The following GRIN2A variants were observed in gnomAD, a reference collection of about 807,000 sequenced individuals.
GRIN2A encodes glutamate receptor ionotropic, NMDA 2A.
A neutral mutation model predicts 113.4 loss-of-function variants in GRIN2A; 22 were observed. That is an observed-to-expected ratio of 0.19 (90% CI 0.14 to 0.28). The LOEUF is 0.28. Among genes scored for constraint, GRIN2A ranks in the 10% least tolerant of loss-of-function variants. The pLI is 1.00. For missense variants in GRIN2A, 1,502 were observed against 1,887.0 expected, an observed-to-expected ratio of 0.80 and a Z score of 3.78; for synonymous variants, 827 against 738.4, an observed-to-expected ratio of 1.12 and a Z score of -1.94.
intron 2 of GRIN2A, among the ~76,000 whole-genome samples, chr16:9,953,798 T>C (rs2045238503): frequency 6.6e-6 from 1 of 152,230 alleles, no homozygotes; most frequent in Non-Finnish European, 1.5e-5. Context: ...TGAAAGGTAC[T>C]GCTGTGTGGT....
intron 2 of GRIN2A, among the ~76,000 whole-genome samples, chr16:10,071,581 G>T (rs2047751129): frequency 6.6e-6 from 1 of 152,196 alleles, no homozygotes; most frequent in Non-Finnish European, 1.5e-5. Context: ...TGTGCCTATA[G>T]AAAGGGATTG....
At chr16:10,054,788 C>T (rs1307376761) in intron 2 of GRIN2A, among the ~76,000 whole-genome samples, 1 of 151,814 alleles carries the variant, frequency 6.6e-6, no homozygotes, top group Non-Finnish European at 1.5e-5. Flanking sequence ...TGGCTTACGC[C>T]TGTAAGCCTA....
At chr16:9,847,473 G>A (rs1456212729) in intron 5 of GRIN2A, among the ~76,000 whole-genome samples, 1 of 151,996 alleles carries the variant, frequency 6.6e-6, no homozygotes, top group Non-Finnish European at 1.5e-5. Flanking sequence ...GTTGAGGTGA[G>A]AAGAACACTT....
At chr16:10,015,252 C>CAAAAAAAAAAAAAAAAAAAAAAAAAAGAA (rs200124835) in intron 2 of GRIN2A, among the ~76,000 whole-genome samples, 1 of 19,316 alleles carries the variant, frequency 5.2e-5, no homozygotes, top group African/African-American at 1.5e-4. Context: ...GACTTCATCT[C>CAAAAAAAAAAAAAAAAAAAAAAAAAAGAA]AAAAAAAAAA....
intron 10 of GRIN2A, among the ~76,000 whole-genome samples, chr16:9,805,291 T>C (rs1360609653): frequency 6.6e-6 from 1 of 152,156 alleles, no homozygotes; most frequent in African/African-American, 2.4e-5. Flanking sequence ...TCTCTGGGGG[T>C]CTCAGCACAT....
chr16:9,990,757 C>T (rs776149305), intron 2 of GRIN2A, among the ~76,000 whole-genome samples: 2 of 151,874 alleles, frequency 1.3e-5, no homozygotes, highest in African/African-American at 2.4e-5. Context: ...TTGGATAATA[C>T]TATTTTCTTA....
At chr16:9,957,390 G>A (rs2045332624) in intron 2 of GRIN2A, among the ~76,000 whole-genome samples, 1 of 152,182 alleles carries the variant, frequency 6.6e-6, no homozygotes, top group Non-Finnish European at 1.5e-5. Flanking sequence ...ACCACCCAAG[G>A]AAGAACAAGC....
chr16:10,122,762 C>G (rs193225128), intron 2 of GRIN2A, among the ~76,000 whole-genome samples: 2 of 152,106 alleles, frequency 1.3e-5, no homozygotes, highest in African/African-American at 4.8e-5. Context: ...GGGAAATTGA[C>G]GCACGATCAG....
intron 4 of GRIN2A, among the ~76,000 whole-genome samples, chr16:9,850,936 G>C (rs2042872577): frequency 6.6e-6 from 1 of 152,092 alleles, no homozygotes; most frequent in Admixed American, 6.5e-5. Flanking sequence ...TTCTCCTCCT[G>C]CTCCCACACG....
chr16:9,964,829 A>G (rs564627142), intron 2 of GRIN2A, among the ~76,000 whole-genome samples: 1 of 152,330 alleles, frequency 6.6e-6, no homozygotes, highest in Admixed American at 6.5e-5. Context: ...TCACAACTGC[A>G]AAGTCCCCTT....
chr16:9,966,291 C>T (rs529141444), intron 2 of GRIN2A, among the ~76,000 whole-genome samples: 1 of 152,198 alleles, frequency 6.6e-6, no homozygotes, highest in African/African-American at 2.4e-5. Flanking sequence ...TCTGCAAGGC[C>T]CCATTGTGTG....
intron 2 of GRIN2A, among the ~76,000 whole-genome samples, chr16:10,113,368 G>A (rs1018452255): frequency 7.2e-5 from 11 of 152,282 alleles, no homozygotes; most frequent in Non-Finnish European, 1.0e-4. Context: ...CCCCTTCCCC[G>A]GTCCTGGGCT....
chr16:10,178,128 G>T (rs903103407), intron 2 of GRIN2A, among the ~76,000 whole-genome samples: 1 of 152,148 alleles, frequency 6.6e-6, no homozygotes, highest in Non-Finnish European at 1.5e-5. Context: ...GAAGGGATCC[G>T]TGGTAATATT....
intron 2 of GRIN2A, among the ~76,000 whole-genome samples, chr16:10,041,685 G>A (rs1285575118): frequency 1.3e-5 from 2 of 152,174 alleles, no homozygotes; most frequent in African/African-American, 4.8e-5. Context: ...TATGTTCAGT[G>A]TCTGGTACAG....
At chr16:10,057,507 T>C (rs2047476842) in intron 2 of GRIN2A, among the ~76,000 whole-genome samples, 1 of 152,092 alleles carries the variant, frequency 6.6e-6, no homozygotes, top group African/African-American at 2.4e-5. Context: ...TTTTGTTGAA[T>C]TCTATGAAGG....
At position 9,761,118 on chromosome 16, in the gene GRIN2A, C is replaced by T. The variant is rs1900563622; in HGVS notation, c.*2031G>A. The T allele has an allele frequency of 4.3e-6, 1 of 232,814 alleles. No homozygotes were observed. Among genetic ancestry groups the T allele is most frequent in the South Asian group, 1.8e-4 (1 of 5,520 alleles). 14.4% of individuals were successfully genotyped at this position (232,814 alleles called of 1,614,324 possible). ...GAAGCTCCTCTCACCCACTGCCTCC[C>T]TCTGTCTCCCTATGATTGACCCTGA... is the stretch of plus-strand genomic sequence containing the variant. On this transcript the variant is annotated 3_prime_UTR_variant, in exon 13 of 13. Transcript: ENST00000330684.
intron 3 of GRIN2A, among the ~76,000 whole-genome samples, chr16:9,920,470 A>G (rs904924033): frequency 6.6e-6 from 1 of 152,234 alleles, no homozygotes; most frequent in Admixed American, 6.5e-5. Context: ...GTAAATAGCT[A>G]AGAAGTATGA....
At chr16:9,885,544 A>G (rs1251136856) in intron 4 of GRIN2A, among the ~76,000 whole-genome samples, 2 of 152,180 alleles carry the variant, frequency 1.3e-5, no homozygotes, top group Non-Finnish European at 2.9e-5. Context: ...GGAAAAAAGC[A>G]AGTGCCCCTC....
At chr16:10,113,431 G>A (rs2048664624) in intron 2 of GRIN2A, among the ~76,000 whole-genome samples, 2 of 152,212 alleles carry the variant, frequency 1.3e-5, no homozygotes, top group East Asian at 1.9e-4. Context: ...CCCCGGGGAG[G>A]AGGCTGCCCT....
Sources: allele counts gnomAD v4.1 joint callset (sites outside exome capture counted in the v4.1 genomes callset), GRCh38; gene constraint gnomAD v4.1.1; transcripts MANE v1.5; gene names NCBI Gene and HGNC (gene_info 2026-07-23, HGNC 2026-07-21).